The following CHST10 variants were observed in gnomAD, a reference collection of about 807,000 sequenced individuals.
The protein encoded by CHST10 is HNK-1 sulfotransferase.
In CHST10, 24 loss-of-function variants were observed where a neutral mutation model predicts 34.7. The observed-to-expected ratio is 0.69, with a 90% CI of 0.50 to 0.97. The LOEUF (loss-of-function observed/expected upper bound fraction) is 0.97, where lower values mean the gene tolerates loss of function less well. Among genes scored for constraint, CHST10 ranks in the 50% least tolerant of loss-of-function variants. CHST10 has a pLI of 0.00. For missense variants in CHST10, 402 were observed against 452.1 expected (o/e 0.89, Z 1.00); for synonymous variants, 161 against 169.3 (o/e 0.95, Z 0.38).
In CHST10 at chr2:100,393,234, G is replaced by C. The variant is rs1200122580; in HGVS notation, c.*11C>G. 6.2e-7 allele frequency: 1 copy of C among 1,612,392 alleles called. No homozygotes were observed. The highest frequency in any genetic ancestry group is 1.3e-5 in the African/African-American group (1 of 74,728). ...TCTAATAAAGATATTTGAATTCATA[G>C]GTCTTATGCATTAGTTTAGCAAAAA... On this transcript the variant is annotated 3_prime_UTR_variant, in exon 7 of 7. Coordinates refer to ENST00000264249, the MANE Select transcript of CHST10 (RefSeq NM_004854.5).
chr2:100,404,299 AG>A (rs1036464548), intron 3 of CHST10, among the ~76,000 whole-genome samples: 30 of 152,260 alleles, frequency 2.0e-4, no homozygotes, highest in Admixed American at 1.8e-3. Flanking sequence ...CCTCGGGGTC[AG>A]GGGCAGCACT....
chr2:100,396,931 A>G (rs1296925823), intron 5 of CHST10, among the ~76,000 whole-genome samples: 1 of 152,150 alleles, frequency 6.6e-6, no homozygotes, highest in African/African-American at 2.4e-5. Flanking sequence ...CCAACATGCT[A>G]TCCAATCACT....
intron 2 of CHST10, among the ~76,000 whole-genome samples, chr2:100,414,199 A>T (rs1176850429): frequency 6.6e-6 from 1 of 152,146 alleles, no homozygotes; most frequent in Non-Finnish European, 1.5e-5. Flanking sequence ...AAGTGGCAAG[A>T]AGGCCAGTGT....
chr2:100,393,656 G>A lies in CHST10; in HGVS notation c.660C>T (p.Gly220=), dbSNP rs1674907366. ...EPWYRHEIAP[G]IIRKYRRNRT... is the part of the protein sequence containing the mutation. ...GGTTCCTCCTGTATTTTCTGATGAT[G>A]CCAGGAGCAATCTCATGCCTGTACC... Residue 220 remains glycine (G), a synonymous_variant, in exon 7 of 7, where the codon GGC becomes GGT. Coordinates refer to ENST00000264249, the MANE Select transcript of CHST10 (RefSeq NM_004854.5). 1 of 1,614,012 alleles carries A rather than the reference G, an allele frequency of 6.2e-7. No homozygotes were observed. The highest frequency in any genetic ancestry group is 1.3e-5 in the African/African-American group (1 of 74,906).
intron 4 of CHST10, among the ~76,000 whole-genome samples, chr2:100,402,137 G>A (rs1260763358): frequency 6.6e-6 from 1 of 152,134 alleles, no homozygotes; most frequent in African/African-American, 2.4e-5. Flanking sequence ...CTTTTTTCTA[G>A]GCTCAGTTCT....
At chr2:100,399,882 C>T (rs1320429451) in intron 4 of CHST10, among the ~76,000 whole-genome samples, 1 of 152,188 alleles carries the variant, frequency 6.6e-6, no homozygotes. Flanking sequence ...GAGTGGCCTC[C>T]GTTCCTCCCC....
chr2:100,410,272 C>A lies in CHST10; in HGVS notation c.-32-3565G>T, dbSNP rs1196968630. On this transcript the variant is annotated intron_variant, in intron 2 of 6. Coordinates refer to ENST00000264249, the MANE Select transcript of CHST10 (RefSeq NM_004854.5). The stretch of plus-strand genomic sequence containing the variant: ...CAGGGCCTGCTCCCTTTCCCATGGG[C>A]AGCAGAGGAAGAGTCAGCTCTGCCT... 2.0e-5 allele frequency among the ~76,000 whole-genome samples: 3 copies of A among 152,216 alleles called. No homozygotes were observed. In the East Asian group the frequency reaches 5.8e-4, roughly 29 times the overall value.
chr2:100,416,712 C>A (rs1676081931), intron 1 of CHST10: 1 of 337,920 alleles, frequency 3.0e-6, no homozygotes, highest in South Asian at 2.4e-5. Context: ...ACAACAACAA[C>A]AAAAACCCAC....
chr2:100,408,174 A>AC (rs1675665835), intron 2 of CHST10: 1 of 152,168 alleles, frequency 6.6e-6, no homozygotes, highest in Non-Finnish European at 1.5e-5. Flanking sequence ...TTATACTAAA[A>AC]AAAAACAAAA....
intron 2 of CHST10, among the ~76,000 whole-genome samples, chr2:100,413,391 G>C (rs1029921559): frequency 2.6e-5 from 4 of 152,120 alleles, no homozygotes; most frequent in African/African-American, 7.2e-5. Context: ...CATTAAATGG[G>C]ATTTTCACAA....
intron 3 of CHST10, among the ~76,000 whole-genome samples, chr2:100,404,609 C>T (rs1226245003): frequency 6.6e-6 from 1 of 152,136 alleles, no homozygotes; most frequent in Non-Finnish European, 1.5e-5. Flanking sequence ...TCAGTGTCTA[C>T]ACTGAAAACA....
chr2:100,406,811 T>C lies in CHST10; in HGVS notation c.-32-104A>G. ...TTCAGTCAGTAAGTATCAGCACAAATATTTCCGTTTTTTTCCACTGCTACA... is the reference window on the plus strand; with the variant it reads ...TTCAGTCAGTAAGTATCAGCACAAACATTTCCGTTTTTTTCCACTGCTACA... On this transcript the variant is annotated intron_variant, in intron 2 of 6. Transcript: ENST00000264249. 4 of 1,444,800 alleles carry C rather than the reference T, an allele frequency of 2.8e-6. No homozygotes were observed. In the South Asian group the frequency reaches 5.4e-5, roughly 20 times the overall value. 89.5% of individuals were successfully genotyped at this position (1,444,800 alleles called of 1,614,324 possible). A position where few individuals can be genotyped will look rare whatever the true frequency, so the allele number is the denominator to read the frequency against.
At chr2:100,416,649 T>C (rs367587736) in intron 1 of CHST10, 3 of 297,220 alleles carry the variant, frequency 1.0e-5, no homozygotes, top group African/African-American at 6.5e-5. Context: ...ATAACCCAAC[T>C]CCTCATGGCC....
At chr2:100,407,410 C>T (rs1483136044) in intron 2 of CHST10, among the ~76,000 whole-genome samples, 1 of 152,162 alleles carries the variant, frequency 6.6e-6, no homozygotes, top group Non-Finnish European at 1.5e-5. Context: ...ACTGTCAGTT[C>T]TTGGCAGGTG....
chr2:100,406,478 T>C, intron 3 of CHST10, 98 bp downstream of exon 3: 2 of 1,491,462 alleles, frequency 1.3e-6, no homozygotes, highest in South Asian at 2.6e-5. Flanking sequence ...GAAAGTCCTT[T>C]GACTCTGTGA....
chr2:100,414,410 T>C (rs546176874), intron 2 of CHST10, among the ~76,000 whole-genome samples: 1 of 152,026 alleles, frequency 6.6e-6, no homozygotes, highest in Admixed American at 6.5e-5. Context: ...AAGGAACTGG[T>C]AACCCCAGGA....
chr2:100,406,686 C>T lies in CHST10; in HGVS notation c.-11G>A, dbSNP rs201350002. The T allele has an allele frequency of 2.3e-4, 365 of 1,613,938 alleles. No individual in the cohort carries two copies. Among genetic ancestry groups the T allele is most frequent in the Middle Eastern group, 1.3e-3 (8 of 6,084 alleles). On this transcript the variant is annotated 5_prime_UTR_variant, in exon 3 of 7. Coordinates refer to ENST00000264249, the MANE Select transcript of CHST10 (RefSeq NM_004854.5). ...CCACTGGTGGTGCATGTTGTCACAC[C>T]GCAGCCATTCACTGACTCTTCCTGG...
intron 2 of CHST10, among the ~76,000 whole-genome samples, chr2:100,409,227 A>G (rs1378452923): frequency 6.6e-6 from 1 of 152,118 alleles, no homozygotes; most frequent in Non-Finnish European, 1.5e-5. Flanking sequence ...TTTAAGAATC[A>G]AATCTTTCCA....
chr2:100,410,670 TC>T (rs1007254211), intron 2 of CHST10, among the ~76,000 whole-genome samples: 1 of 152,160 alleles, frequency 6.6e-6, no homozygotes, highest in Non-Finnish European at 1.5e-5. Flanking sequence ...ATGTTTAATA[TC>T]CATTAACTGA....
Sources: gnomAD v4.1 joint callset for allele counts (sites outside exome capture counted in the v4.1 genomes callset) on GRCh38, gnomAD v4.1.1 for gene constraint, MANE v1.5 for transcripts, NCBI Gene and HGNC (gene_info 2026-07-23, HGNC 2026-07-21) for gene names.